Variants in PBX3 observed in about 807,000 individuals in gnomAD.
PBX3 encodes pre-B-cell leukemia transcription factor 3.
A neutral mutation model predicts 48.5 loss-of-function variants in PBX3; 14 were observed. That is an observed-to-expected ratio of 0.29 (90% CI 0.19 to 0.45). The LOEUF is 0.45. Among genes scored for constraint, PBX3 ranks in the 20% least tolerant of loss-of-function variants. The pLI, the probability that PBX3 is intolerant of heterozygous loss-of-function variation, is 1.00. For missense variants in PBX3, 386 were observed against 546.7 expected, an observed-to-expected ratio of 0.71 and a Z score of 2.93; for synonymous variants, 210 against 200.3, an observed-to-expected ratio of 1.05 and a Z score of -0.41.
At chr9:125,884,865 T>TTGTA (rs1395374658) in intron 2 of PBX3, among the ~76,000 whole-genome samples, 3 of 152,200 alleles carry the variant, frequency 2.0e-5, no homozygotes, top group Admixed American at 6.5e-5. Flanking sequence ...CATATGGCTA[T>TTGTA]TGTATACCTA....
intron 2 of PBX3, among the ~76,000 whole-genome samples, chr9:125,780,694 A>T (rs1209374546): frequency 1.1e-5 from 1 of 90,250 alleles, no homozygotes; most frequent in Non-Finnish European, 2.1e-5. Context: ...CGGGGGGCTG[A>T]CCACCCCCAC....
At chr9:125,925,110 T>C (rs1841543543) in intron 3 of PBX3, among the ~76,000 whole-genome samples, 2 of 152,232 alleles carry the variant, frequency 1.3e-5, no homozygotes, top group African/African-American at 4.8e-5. Flanking sequence ...TGATATGTAA[T>C]AAGATGAATA....
intron 2 of PBX3, among the ~76,000 whole-genome samples, chr9:125,809,643 A>G (rs1838229340): frequency 6.6e-6 from 1 of 152,186 alleles, no homozygotes; most frequent in Non-Finnish European, 1.5e-5. Flanking sequence ...CTGTGACCTC[A>G]GGGTGGGCGA....
chr9:125,768,433 G>A (rs752410819), intron 2 of PBX3, among the ~76,000 whole-genome samples: 11 of 152,078 alleles, frequency 7.2e-5, no homozygotes, highest in Non-Finnish European at 1.3e-4. Flanking sequence ...ATGAACAATC[G>A]AAACAAATTC....
Position 125,816,297 on chromosome 9 carries a change from T to G in PBX3, c.274+67674T>G, listed in dbSNP as rs565704811. 2.6e-3 allele frequency among the ~76,000 whole-genome samples: 389 copies of G among 152,280 alleles called. 6 individuals carry two copies. The highest frequency in any genetic ancestry group is 4.5e-3 in the Non-Finnish European group (305 of 68,010). On this transcript the variant is annotated intron_variant, in intron 2 of 8. Coordinates refer to ENST00000373489, the MANE Select transcript of PBX3 (RefSeq NM_006195.6). Reference sequence around the variant, plus strand: ...ACAGGTGTGAGCCCCTGCACCCGGCTCTTCCCCCTTCTCAATGGTATACCC... The same window carrying G: ...ACAGGTGTGAGCCCCTGCACCCGGCGCTTCCCCCTTCTCAATGGTATACCC...
intron 2 of PBX3, among the ~76,000 whole-genome samples, chr9:125,850,177 T>G (rs1839540815): frequency 2.6e-5 from 4 of 152,074 alleles, no homozygotes; most frequent in Admixed American, 1.3e-4. Context: ...CGTTAAATTT[T>G]ACTAACAGAA....
chr9:125,889,360 C>T (rs990292434), intron 2 of PBX3, among the ~76,000 whole-genome samples: 3 of 152,270 alleles, frequency 2.0e-5, no homozygotes, highest in Non-Finnish European at 4.4e-5. Context: ...AGTGCACACA[C>T]GCAGCGGCCT....
chr9:125,825,219 G>C (rs1287700246), intron 2 of PBX3, among the ~76,000 whole-genome samples: 1 of 152,118 alleles, frequency 6.6e-6, no homozygotes, highest in Admixed American at 6.5e-5. Context: ...GGGAGGTGGA[G>C]GTTGCAGTGA....
At chr9:125,823,942 G>C (rs528470304) in intron 2 of PBX3, among the ~76,000 whole-genome samples, 152 of 152,138 alleles carry the variant, frequency 1.0e-3, no homozygotes, top group African/African-American at 3.3e-3. Context: ...CAGGCATGGT[G>C]GCCCGCACCT....
At chr9:125,818,954 A>G (rs1360065423) in intron 2 of PBX3, among the ~76,000 whole-genome samples, 2 of 151,358 alleles carry the variant, frequency 1.3e-5, no homozygotes, top group East Asian at 2.0e-4. Context: ...ACCTGCCTCA[A>G]CCTCCCGAGT....
At chr9:125,763,879 A>G (rs1402732699) in intron 2 of PBX3, among the ~76,000 whole-genome samples, 4 of 152,214 alleles carry the variant, frequency 2.6e-5, no homozygotes, top group Non-Finnish European at 4.4e-5. Context: ...CATAAATATT[A>G]TGATAAGCAT....
In PBX3 at chr9:125,858,332, A is replaced by G. The variant is rs891038886; in HGVS notation, c.275-57354A>G. Among the ~76,000 whole-genome samples the G allele has an allele frequency of 7.9e-5, 12 of 152,222 alleles. No individual in the cohort carries two copies. In the East Asian group the frequency reaches 2.3e-3, roughly 29 times the overall value. On this transcript the variant is annotated intron_variant, in intron 2 of 8. Transcript: ENST00000373489. ...TCTGCTCATTATACCTCTCGTTTGT[A>G]TATTGTTATGCTATAATTTTAAAGC...
intron 2 of PBX3, among the ~76,000 whole-genome samples, chr9:125,800,270 AAAGCCAAATT>A (rs1837900647): frequency 6.6e-6 from 1 of 152,194 alleles, no homozygotes; most frequent in Admixed American, 6.5e-5. Context: ...ATAATGAGCA[AAAGCCAAATT>A]AAGCCAGTCA....
chr9:125,867,177 G>C (rs1181590606), intron 2 of PBX3, among the ~76,000 whole-genome samples: 1 of 151,882 alleles, frequency 6.6e-6, no homozygotes, highest in African/African-American at 2.4e-5. Flanking sequence ...CTACATTGAT[G>C]TCGTTAGGAC....
rs540038173 is a variant in PBX3, at chr9:125,867,807, C to CAT, written c.275-47869_275-47868dup. On this transcript the variant is annotated intron_variant, in intron 2 of 8. Coordinates refer to ENST00000373489, the MANE Select transcript of PBX3 (RefSeq NM_006195.6). ...ACATATACACACACATATATATACA[C>CAT]ATATATATATACACATACATATATA... 6.4e-4 allele frequency among the ~76,000 whole-genome samples: 97 copies of CAT among 151,472 alleles called. No homozygotes were observed. In the East Asian group the frequency reaches 9.1e-3, roughly 14 times the overall value.
At chr9:125,820,846 T>C (rs1003297934) in intron 2 of PBX3, among the ~76,000 whole-genome samples, 1 of 152,230 alleles carries the variant, frequency 6.6e-6, no homozygotes. Context: ...GGCCTTGAAA[T>C]ATAATTATGA....
chr9:125,804,010 A>G (rs756502659), intron 2 of PBX3, among the ~76,000 whole-genome samples: 1 of 152,184 alleles, frequency 6.6e-6, no homozygotes, highest in Non-Finnish European at 1.5e-5. Context: ...GTCTTTATCT[A>G]GTCTGAGTGT....
chr9:125,851,073 T>C (rs1015447245), intron 2 of PBX3, among the ~76,000 whole-genome samples: 9 of 152,098 alleles, frequency 5.9e-5, no homozygotes, highest in African/African-American at 2.2e-4. Flanking sequence ...AGTAGAAATA[T>C]AGACACTGTG....
chr9:125,915,778 C>G lies in PBX3; in HGVS notation c.367C>G (p.Pro123Ala). 1 of 1,614,012 alleles carries G rather than the reference C, an allele frequency of 6.2e-7. No homozygotes were observed. The highest frequency in any genetic ancestry group is 1.7e-4 in the Middle Eastern group (1 of 6,056). Residue 123 changes from proline to alanine, a missense_variant, in exon 3 of 9, where the codon CCT (proline) becomes GCT (alanine). Pro to Ala is a conservative substitution (Grantham distance 27). This residue lies in a region of PBX3 where 69 missense variants were observed against 99.1 expected (regional missense o/e 0.70). Coordinates refer to ENST00000373489, the MANE Select transcript of PBX3 (RefSeq NM_006195.6). ...NMLLAEGVSG[P>A]EKGGGSAAAA... The stretch of plus-strand genomic sequence containing the variant: ...GCTTTTGGCAGAAGGGGTTTCAGGT[C>G]CTGAGAAAGGTGGGGGATCGGCGGC...
Sources: allele counts gnomAD v4.1 joint callset (sites outside exome capture counted in the v4.1 genomes callset), GRCh38; gene constraint gnomAD v4.1.1; regional missense constraint gnomAD v4.1.1; transcripts MANE v1.5; gene names NCBI Gene and HGNC (gene_info 2026-07-23, HGNC 2026-07-21).